The following AKAP7 variants were observed in gnomAD, a reference collection of about 807,000 sequenced individuals.
The protein encoded by AKAP7 is A kinase (PRKA) anchor protein 7.
Under a neutral mutation model 39.5 loss-of-function variants are expected in AKAP7, and 39 were observed. The ratio of observed to expected loss-of-function variants is 0.99; its 90% CI spans 0.76 to 1.29. The LOEUF (loss-of-function observed/expected upper bound fraction) is 1.29. Among genes scored for constraint, AKAP7 ranks in the 50% most tolerant of loss-of-function variants. The pLI, the probability that AKAP7 is intolerant of heterozygous loss-of-function variation, is 0.00. For missense variants in AKAP7, 414 were observed against 407.7 expected (o/e 1.02, Z -0.13); for synonymous variants, 140 against 139.1 (o/e 1.01, Z -0.05).
At chr6:131,204,932 G>A (rs1025093749) in intron 6 of AKAP7, among the ~76,000 whole-genome samples, 5 of 152,108 alleles carry the variant, frequency 3.3e-5, no homozygotes, top group African/African-American at 1.2e-4. Context: ...ACCTGCTAGA[G>A]GGTAGTCTGG....
intron 2 of AKAP7, among the ~76,000 whole-genome samples, chr6:131,158,920 A>T (rs972950888): frequency 3.9e-5 from 6 of 152,016 alleles, no homozygotes; most frequent in African/African-American, 1.5e-4. Context: ...TCTGTTAAAA[A>T]AAAAAAAAAG....
intron 4 of AKAP7, among the ~76,000 whole-genome samples, chr6:131,166,522 T>C (rs1248903049): frequency 6.6e-6 from 1 of 152,246 alleles, no homozygotes; most frequent in East Asian, 1.9e-4. Flanking sequence ...GGGAGAAGTC[T>C]GAAATCTTCA....
chr6:131,235,525 A>G (rs1158275337), intron 7 of AKAP7, among the ~76,000 whole-genome samples: 1 of 152,212 alleles, frequency 6.6e-6, no homozygotes, highest in Non-Finnish European at 1.5e-5. Flanking sequence ...AGTCCCACCA[A>G]CAGTGTAAAA....
chr6:131,201,067 A>G (rs963438115), intron 6 of AKAP7, among the ~76,000 whole-genome samples: 1 of 152,220 alleles, frequency 6.6e-6, no homozygotes, highest in Non-Finnish European at 1.5e-5. Flanking sequence ...TCACAGAATC[A>G]ATCTTACCCT....
intron 7 of AKAP7, among the ~76,000 whole-genome samples, chr6:131,269,972 G>T (rs1258301358): frequency 1.3e-5 from 2 of 152,178 alleles, no homozygotes; most frequent in Admixed American, 6.6e-5. Context: ...CCAGCCACAT[G>T]CTAATTGCGG....
intron 6 of AKAP7, among the ~76,000 whole-genome samples, chr6:131,216,212 A>G (rs895692030): frequency 1.3e-5 from 2 of 152,192 alleles, no homozygotes. Flanking sequence ...ATCTTAAATG[A>G]TTTTCACTTT....
At chr6:131,151,661 G>T (rs1434229892) in intron 2 of AKAP7, among the ~76,000 whole-genome samples, 1 of 152,032 alleles carries the variant, frequency 6.6e-6, no homozygotes, top group African/African-American at 2.4e-5. Context: ...CAGGAGAATC[G>T]CTTGAACCTA....
intron 7 of AKAP7, chr6:131,250,662 T>G: frequency 6.3e-7 from 1 of 1,596,164 alleles, no homozygotes; most frequent in Non-Finnish European, 8.6e-7. Context: ...CTTGACTATT[T>G]TGTGCGGTTG....
intron 1 of AKAP7, among the ~76,000 whole-genome samples, chr6:131,144,990 T>G (rs1801360296): frequency 6.6e-6 from 1 of 152,200 alleles, no homozygotes; most frequent in African/African-American, 2.4e-5. Flanking sequence ...GTTTTAGAAT[T>G]AAAATATAGC....
intron 6 of AKAP7, among the ~76,000 whole-genome samples, chr6:131,205,895 A>G (rs532123069): frequency 9.0e-4 from 137 of 152,328 alleles, no homozygotes; most frequent in African/African-American, 3.2e-3. Context: ...ACTAAAGTTC[A>G]GGTTATTTGT....
chr6:131,157,337 T>C (rs1278753949), intron 2 of AKAP7, among the ~76,000 whole-genome samples: 1 of 152,166 alleles, frequency 6.6e-6, no homozygotes, highest in Admixed American at 6.5e-5. Flanking sequence ...ACACAGCTAG[T>C]ATGTGGGAGA....
chr6:131,171,888 G>A (rs574562420), intron 5 of AKAP7, among the ~76,000 whole-genome samples: 1 of 152,308 alleles, frequency 6.6e-6, no homozygotes, highest in South Asian at 2.1e-4. Context: ...AGGCAGTGAA[G>A]TCTGGATGGG....
rs1437306532 is a variant in AKAP7 at position 131,135,557 on chromosome 6, C to T, written c.-207C>T. 4.3e-6 allele frequency: 1 copy of T among 230,240 alleles called. No individual in the cohort carries two copies. Among genetic ancestry groups the T allele is most frequent in the Non-Finnish European group, 7.2e-6 (1 of 138,692 alleles). 14.3% of individuals were successfully genotyped at this position (230,240 alleles called of 1,614,324 possible). A position where few individuals can be genotyped will look rare whatever the true frequency, so the allele number is the denominator to read the frequency against. ...GCTGCCGCTGCCGCGGGGGCTGCGG[C>T]TTGGGAAGCTCCGCGCTTCCGCAGG... On this transcript the variant is annotated 5_prime_UTR_variant, in exon 1 of 8. Transcript: ENST00000431975.
intron 2 of AKAP7, among the ~76,000 whole-genome samples, chr6:131,149,136 T>C (rs553609572): frequency 5.2e-5 from 8 of 152,382 alleles, no homozygotes; most frequent in Middle Eastern, 3.4e-3. Flanking sequence ...ATGTGGTATC[T>C]TGATTAGGCA....
intron 7 of AKAP7, chr6:131,252,901 T>G: frequency 1.2e-6 from 1 of 818,132 alleles, no homozygotes; most frequent in East Asian, 2.6e-5. Flanking sequence ...CACAAAAATG[T>G]GAATACTCAC....
At chr6:131,249,630 A>G (rs1199363615) in intron 7 of AKAP7, among the ~76,000 whole-genome samples, 1 of 152,198 alleles carries the variant, frequency 6.6e-6, no homozygotes, top group Non-Finnish European at 1.5e-5. Flanking sequence ...TCTATAAGAT[A>G]ACAGATTTTG....
At chr6:131,128,513 G>T in the AKAP7 span, among the ~76,000 whole-genome samples, 1 of 152,012 alleles carries the variant, frequency 6.6e-6, no homozygotes, top group South Asian at 2.1e-4. Flanking sequence ...CCTCCTTCTG[G>T]GAATTTATTT....
At chr6:131,256,708 C>CATTATTATTATTATTATTATT (rs3836928) in intron 7 of AKAP7, among the ~76,000 whole-genome samples, 8 of 148,428 alleles carry the variant, frequency 5.4e-5, no homozygotes, top group Admixed American at 1.4e-4. Flanking sequence ...CTTCCTGGGA[C>CATTATTATTATTATTATTATT]ATTATTATTA....
intron 3 of AKAP7, among the ~76,000 whole-genome samples, chr6:131,160,928 T>C (rs1802880820): frequency 6.6e-6 from 1 of 152,132 alleles, no homozygotes; most frequent in Non-Finnish European, 1.5e-5. Context: ...AGCGGTGAGG[T>C]AGGAATTAAA....
Sources: gnomAD v4.1 joint callset for allele counts (sites outside exome capture counted in the v4.1 genomes callset) on GRCh38, gnomAD v4.1.1 for gene constraint, MANE v1.5 for transcripts, NCBI Gene and HGNC (gene_info 2026-07-23, HGNC 2026-07-21) for gene names.